Variants in PPME1 observed in about 807,000 individuals in gnomAD.
The protein encoded by PPME1 is protein phosphatase methylesterase 1, also known as testicular secretory protein Li 39.
In PPME1, 17 loss-of-function variants were observed where a neutral mutation model predicts 56.9. The ratio of observed to expected loss-of-function variants is 0.30; its 90% CI spans 0.20 to 0.45. PPME1 has a LOEUF of 0.45. Ranked by LOEUF, PPME1 falls within the 20% of genes least tolerant of loss-of-function variation. PPME1 has a pLI of 1.00. For synonymous variants in PPME1, 122 were observed against 156.2 expected (o/e 0.78, Z 1.63); for missense variants, 357 against 483.2 (o/e 0.74, Z 2.45).
At chr11:74,217,751 A>C (rs1360027432) in intron 3 of PPME1, among the ~76,000 whole-genome samples, 1 of 151,986 alleles carries the variant, frequency 6.6e-6, no homozygotes, top group African/African-American at 2.4e-5. Flanking sequence ...AAAAAAAAAA[A>C]ACTTAAACTG....
chr11:74,237,666 T>C (rs1420161761), intron 8 of PPME1: 1 of 151,838 alleles, frequency 6.6e-6, no homozygotes, highest in Non-Finnish European at 1.5e-5. Flanking sequence ...ATCCCTACAA[T>C]ACCTCTTTAA....
chr11:74,188,477 G>A (rs572525167), intron 1 of PPME1, among the ~76,000 whole-genome samples: 2 of 152,038 alleles, frequency 1.3e-5, no homozygotes, highest in Admixed American at 6.5e-5. Flanking sequence ...GAGCCACTGC[G>A]CCCAGCCCAT....
At chr11:74,201,657 G>C (rs1054797211) in intron 1 of PPME1, among the ~76,000 whole-genome samples, 3 of 152,156 alleles carry the variant, frequency 2.0e-5, no homozygotes, top group Non-Finnish European at 4.4e-5. Flanking sequence ...TTTTTCATCT[G>C]TTAAATGGGC....
At chr11:74,181,940 A>G (rs761246049) in intron 1 of PPME1, among the ~76,000 whole-genome samples, 1 of 152,220 alleles carries the variant, frequency 6.6e-6, no homozygotes, top group Non-Finnish European at 1.5e-5. Context: ...TGAATTCCAC[A>G]TAATTTCCAC....
At chr11:74,209,093 G>A (rs994711154) in intron 3 of PPME1, among the ~76,000 whole-genome samples, 1 of 151,822 alleles carries the variant, frequency 6.6e-6, no homozygotes, top group Non-Finnish European at 1.5e-5. Context: ...AACAGTAGAG[G>A]GGGCTATTTT....
Position 74,230,680 on chromosome 11 carries a change from C to T in PPME1, c.554-232C>T, listed in dbSNP as rs1859043323. 2 of 595,066 alleles carry T rather than the reference C, an allele frequency of 3.4e-6. No homozygotes were observed. Among genetic ancestry groups the T allele is most frequent in the South Asian group, 4.3e-5 (2 of 46,390 alleles). The allele number at this position is 595,066 out of a possible 1,614,324, so 36.9% of individuals were successfully genotyped here. A position where few individuals can be genotyped will look rare whatever the true frequency, so the allele number is the denominator to read the frequency against. ...AGCTGCCATGTCTTTTCTGACCCAG[C>T]TTCAGAAGTCACACTGCTGCTTGTG... is the stretch of plus-strand genomic sequence containing the variant. On this transcript the variant is annotated intron_variant, in intron 6 of 13. Coordinates refer to ENST00000328257, the MANE Select transcript of PPME1 (RefSeq NM_016147.3). This position sits in a 1 kb window ranked among gnomAD's most constrained non-coding sequence, Gnocchi z 4.9.
chr11:74,217,728 A>G (rs1858691803), intron 3 of PPME1, among the ~76,000 whole-genome samples: 2 of 151,842 alleles, frequency 1.3e-5, no homozygotes, highest in East Asian at 3.9e-4. Flanking sequence ...AAAATTCAAC[A>G]TCCCTTCATG....
chr11:74,208,065 G>C (rs1213354797), intron 3 of PPME1, among the ~76,000 whole-genome samples: 2 of 152,152 alleles, frequency 1.3e-5, no homozygotes, highest in Non-Finnish European at 2.9e-5. Context: ...TGTAATCCCA[G>C]CACTTTGGGA....
chr11:74,194,004 T>G (rs921396315), intron 1 of PPME1, among the ~76,000 whole-genome samples: 1 of 152,140 alleles, frequency 6.6e-6, no homozygotes, highest in African/African-American at 2.4e-5. Flanking sequence ...TCAAAGAGGA[T>G]TTGCCTTTGT....
chr11:74,252,013 G>C (rs560127425), intron 13 of PPME1: 121 of 586,664 alleles, frequency 2.1e-4, no homozygotes, highest in African/African-American at 2.0e-3. Flanking sequence ...GCTGGGATAG[G>C]AATCAGTCCT....
intron 1 of PPME1, among the ~76,000 whole-genome samples, chr11:74,192,455 CAAGTT>C (rs1179471764): frequency 3.3e-5 from 5 of 152,020 alleles, no homozygotes; most frequent in Non-Finnish European, 1.5e-5. Flanking sequence ...GATGCTGAAA[CAAGTT>C]AAGACTTTGG....
At chr11:74,197,118 C>G (rs1858004576) in intron 1 of PPME1, among the ~76,000 whole-genome samples, 1 of 152,148 alleles carries the variant, frequency 6.6e-6, no homozygotes, top group Non-Finnish European at 1.5e-5. Flanking sequence ...TATGTCTGTT[C>G]TTATACCTGT....
At chr11:74,244,402 G>A (rs1442434208) in intron 9 of PPME1, among the ~76,000 whole-genome samples, 2 of 152,110 alleles carry the variant, frequency 1.3e-5, no homozygotes, top group Non-Finnish European at 2.9e-5. Flanking sequence ...GGTTCCTTCC[G>A]AATTCTCCAC....
intron 1 of PPME1, among the ~76,000 whole-genome samples, chr11:74,181,979 C>A (rs754117616): frequency 1.3e-4 from 20 of 152,204 alleles, no homozygotes; most frequent in Admixed American, 6.5e-5. Flanking sequence ...CTCCCCCTGC[C>A]CTCCACCTTT....
intron 1 of PPME1, among the ~76,000 whole-genome samples, chr11:74,173,819 G>A (rs1241459783): frequency 6.6e-6 from 1 of 152,208 alleles, no homozygotes; most frequent in Non-Finnish European, 1.5e-5. Flanking sequence ...TGGGATTATA[G>A]GAGTGAGCTA....
At chr11:74,198,087 T>C (rs555631424) in intron 1 of PPME1, among the ~76,000 whole-genome samples, 64 of 152,310 alleles carry the variant, frequency 4.2e-4, no homozygotes, top group African/African-American at 1.2e-3. Context: ...CGTAAAAAAA[T>C]TATACAGTTA....
chr11:74,206,478 A>G (rs970239445), intron 3 of PPME1, among the ~76,000 whole-genome samples: 7 of 152,236 alleles, frequency 4.6e-5, no homozygotes, highest in Non-Finnish European at 8.8e-5. Context: ...ACTTTAAACA[A>G]TAGCATTTAA....
chr11:74,203,202 A>C (rs986030280), intron 1 of PPME1, among the ~76,000 whole-genome samples: 11 of 152,262 alleles, frequency 7.2e-5, no homozygotes, highest in African/African-American at 2.6e-4. Flanking sequence ...GAAGGTATTG[A>C]TATTGCCAGT....
At chr11:74,212,936 A>T (rs987561918) in intron 3 of PPME1, among the ~76,000 whole-genome samples, 7 of 152,136 alleles carry the variant, frequency 4.6e-5, no homozygotes, top group Non-Finnish European at 1.0e-4. Context: ...TGTGGTGGCT[A>T]TGAGGAAGGA....
Sources: gnomAD v4.1 joint callset for allele counts (sites outside exome capture counted in the v4.1 genomes callset) on GRCh38, gnomAD v4.1.1 for gene constraint, Gnocchi (gnomAD v3.1) non-coding constraint, MANE v1.5 for transcripts, NCBI Gene and HGNC (gene_info 2026-07-23, HGNC 2026-07-21) for gene names.